The following LARP4B variants were observed in gnomAD, a reference collection of about 807,000 sequenced individuals.
LARP4B encodes the protein La ribonucleoprotein 4B.
In LARP4B, 12 loss-of-function variants were observed where a neutral mutation model predicts 89.8. The observed-to-expected ratio is 0.13, with a 90% CI of 0.09 to 0.22. The LOEUF is 0.22. LARP4B is among the 10% of genes least tolerant of loss of function. The pLI, the probability that LARP4B is intolerant of heterozygous loss-of-function variation, is 1.00. For synonymous variants in LARP4B, 367 were observed against 363.3 expected, an observed-to-expected ratio of 1.01 and a Z score of -0.12; for missense variants, 757 against 947.7, an observed-to-expected ratio of 0.80 and a Z score of 2.64.
intron 1 of LARP4B, among the ~76,000 whole-genome samples, chr10:909,104 C>T (rs1352484894): frequency 6.6e-6 from 1 of 151,962 alleles, no homozygotes; most frequent in East Asian, 1.9e-4. Flanking sequence ...ATCATCCTGG[C>T]TAACACGGTG....
upstream of LARP4B, among the ~76,000 whole-genome samples, chr10:934,568 C>G (rs141190066): frequency 6.6e-6 from 1 of 152,152 alleles, no homozygotes; most frequent in African/African-American, 2.4e-5. Flanking sequence ...TCCTTTCCAA[C>G]AATCAGAACT....
At chr10:941,006 A>C in the LARP4B span, among the ~76,000 whole-genome samples, 5 of 152,224 alleles carry the variant, frequency 3.3e-5, no homozygotes, top group African/African-American at 1.2e-4. Flanking sequence ...ACAGGAGCTC[A>C]GAGCCCCGGA....
At chr10:808,183 G>A (rs1379154175), downstream of LARP4B, 3 of 152,260 alleles carry the variant, frequency 2.0e-5, no homozygotes, top group Non-Finnish European at 4.4e-5. Flanking sequence ...ACAGATACAC[G>A]GTGGTCACTT....
In LARP4B at chr10:887,151, G is replaced by A. The variant is rs116634377; in HGVS notation, c.-39-1391C>T. ...GGGGGCTAGCAGGTAGGGAGGAAATGAAGAGATCAATGTCAAAGGGTACCA... is the reference window on the plus strand; with the variant it reads ...GGGGGCTAGCAGGTAGGGAGGAAATAAAGAGATCAATGTCAAAGGGTACCA... On this transcript the variant is annotated intron_variant, in intron 1 of 17. Transcript: ENST00000316157. 4.6e-3 allele frequency among the ~76,000 whole-genome samples: 696 copies of A among 152,198 alleles called. 7 individuals are homozygous for A. Among genetic ancestry groups the A allele is most frequent in the African/African-American group, 0.016 (669 of 41,534 alleles).
At chr10:892,902 A>AT (rs56051964) in intron 1 of LARP4B, among the ~76,000 whole-genome samples, 3,850 of 117,894 alleles carry the variant, frequency 0.033, 76 homozygotes, top group African/African-American at 0.056. Context: ...ACCAAGAGAA[A>AT]TTTTTTTTTT....
intron 1 of LARP4B, among the ~76,000 whole-genome samples, chr10:917,258 T>C (rs1836846422): frequency 6.6e-6 from 1 of 152,248 alleles, no homozygotes; most frequent in Non-Finnish European, 1.5e-5. Flanking sequence ...TCAAGCTTTT[T>C]ATAGCTTGTA....
At chr10:913,784 CTG>C (rs1836740897) in intron 1 of LARP4B, among the ~76,000 whole-genome samples, 1 of 152,188 alleles carries the variant, frequency 6.6e-6, no homozygotes, top group Non-Finnish European at 1.5e-5. Flanking sequence ...CAGCGCACGC[CTG>C]TAGTCCCAGC....
At chr10:914,806 C>T (rs924362466) in intron 1 of LARP4B, among the ~76,000 whole-genome samples, 6 of 149,284 alleles carry the variant, frequency 4.0e-5, no homozygotes, top group African/African-American at 9.9e-5. Flanking sequence ...GCGCCCCACC[C>T]GCCCCCACCG....
chr10:878,018 A>G (rs759577014), intron 3 of LARP4B, among the ~76,000 whole-genome samples: 9 of 152,176 alleles, frequency 5.9e-5, no homozygotes, highest in Non-Finnish European at 1.2e-4. Context: ...GAAAGGTAAG[A>G]GCATAAGCCT....
intron 7 of LARP4B, among the ~76,000 whole-genome samples, chr10:840,669 T>C (rs1377496824): frequency 2.6e-5 from 4 of 152,200 alleles, no homozygotes; most frequent in Non-Finnish European, 5.9e-5. Context: ...GACACGCACA[T>C]TGTGTTTACT....
At chr10:970,289 A>T in the LARP4B span, among the ~76,000 whole-genome samples, 1 of 152,176 alleles carries the variant, frequency 6.6e-6, no homozygotes, top group East Asian at 1.9e-4. Flanking sequence ...AAGCATTGTC[A>T]CTCCCAGCAG....
At chr10:948,396 A>G in the LARP4B span, among the ~76,000 whole-genome samples, 28 of 152,076 alleles carry the variant, frequency 1.8e-4, no homozygotes, top group Non-Finnish European at 3.2e-4. Context: ...ACAGGTGCCC[A>G]CCACCACAAC....
At chr10:880,531 C>T (rs1047003871) in intron 3 of LARP4B, among the ~76,000 whole-genome samples, 1 of 152,006 alleles carries the variant, frequency 6.6e-6, no homozygotes, top group Non-Finnish European at 1.5e-5. Context: ...ACGAAAAATA[C>T]AAAAATTAGC....
intron 1 of LARP4B, among the ~76,000 whole-genome samples, chr10:927,643 AAGG>A (rs1837181120): frequency 6.6e-6 from 1 of 152,334 alleles, no homozygotes; most frequent in South Asian, 2.1e-4. Context: ...TTTACAGAAA[AAGG>A]AGAACTCTTC....
intron 5 of LARP4B, among the ~76,000 whole-genome samples, chr10:858,024 C>T (rs574101198): frequency 6.6e-6 from 1 of 152,230 alleles, no homozygotes; most frequent in East Asian, 1.9e-4. Flanking sequence ...TATGGTTAGC[C>T]TTAAAAATTC....
intron 1 of LARP4B, among the ~76,000 whole-genome samples, chr10:906,157 A>T (rs1408798926): frequency 6.6e-6 from 1 of 152,228 alleles, no homozygotes; most frequent in Non-Finnish European, 1.5e-5. Context: ...GCATCAACAA[A>T]GATCTTCATT....
At position 829,718 on chromosome 10, in the gene LARP4B, C is replaced by T; in HGVS notation, c.878G>A (p.Arg293Gln). The change falls in exon 10 of 18, where the codon CGA (arginine) becomes CAA (glutamine). Residue 293 changes from arginine (R) to glutamine (Q), a missense_variant. Arg to Gln is a conservative substitution (Grantham distance 43). Coordinates refer to ENST00000316157, the MANE Select transcript of LARP4B (RefSeq NM_015155.3). ...ADAQQAYKYL[R>Q]EEVKTFQGKP... ...TCCTTGAAAAGTTTTGACTTCTTCT[C>T]GAAGGTATTTGTAAGCCTAAGGGCA... The T allele has an allele frequency of 6.2e-7, 1 of 1,612,432 alleles. No individual in the cohort carries two copies. The highest frequency in any genetic ancestry group is 8.5e-7 in the Non-Finnish European group (1 of 1,178,904).
chr10:827,231 C>A (rs914617241), intron 11 of LARP4B, among the ~76,000 whole-genome samples: 1 of 151,784 alleles, frequency 6.6e-6, no homozygotes, highest in Non-Finnish European at 1.5e-5. Flanking sequence ...AGCCAAGATC[C>A]GGCCACTGCA....
chr10:965,141 G>A, the LARP4B span, among the ~76,000 whole-genome samples: 1 of 152,238 alleles, frequency 6.6e-6, no homozygotes, highest in East Asian at 1.9e-4. Context: ...CACAGTGCCA[G>A]TTTCCTTGGG....
Sources: allele counts gnomAD v4.1 joint callset (sites outside exome capture counted in the v4.1 genomes callset), GRCh38; gene constraint gnomAD v4.1.1; transcripts MANE v1.5; gene names NCBI Gene and HGNC (gene_info 2026-07-23, HGNC 2026-07-21).